DLGAP1: variants seen among roughly 807,000 people sequenced by gnomAD.
DLGAP1 encodes the protein disks large-associated protein 1.
In DLGAP1, 11 loss-of-function variants were observed where a neutral mutation model predicts 90.8. The observed-to-expected ratio is 0.12, with a 90% CI of 0.08 to 0.20. The LOEUF is 0.20. Ranked by LOEUF, DLGAP1 falls within the 10% of genes least tolerant of loss-of-function variation. The pLI is 1.00. For synonymous variants in DLGAP1, 558 were observed against 540.7 expected (o/e 1.03, Z -0.44); for missense variants, 1,050 against 1,333.8 (o/e 0.79, Z 3.31).
intron 1 of DLGAP1, among the ~76,000 whole-genome samples, chr18:4,363,324 T>C (rs1050931825): frequency 6.6e-6 from 1 of 152,108 alleles, no homozygotes; most frequent in Non-Finnish European, 1.5e-5. Flanking sequence ...TGGGGCAGAA[T>C]ATCACCAAAC....
intron 2 of DLGAP1, among the ~76,000 whole-genome samples, chr18:4,133,232 G>A (rs555235134): frequency 6.6e-6 from 1 of 152,248 alleles, no homozygotes; most frequent in Admixed American, 6.5e-5. Flanking sequence ...CATGCCATGA[G>A]GAGAGCACAG....
In DLGAP1 at chr18:3,987,039, C is replaced by T. The variant is rs372342008; in HGVS notation, c.-73+18077G>A. ...AACTTGACTATCACCCTGCAAATAG[C>T]GCTCGTTTCCAGGTATGTTAGGTAT... On this transcript the variant is annotated intron_variant, in intron 3 of 12. Coordinates refer to ENST00000315677, the MANE Select transcript of DLGAP1 (RefSeq NM_004746.4). 7.9e-5 allele frequency among the ~76,000 whole-genome samples: 12 copies of T among 152,222 alleles called. 1 individual carries two copies. Among genetic ancestry groups the T allele is most frequent in the Admixed American group, 2.0e-4 (3 of 15,288 alleles).
intron 2 of DLGAP1, among the ~76,000 whole-genome samples, chr18:4,088,239 G>A (rs1350383266): frequency 6.6e-6 from 1 of 151,914 alleles, no homozygotes; most frequent in Non-Finnish European, 1.5e-5. Flanking sequence ...TAAGGTAGGA[G>A]TCTCACACCA....
chr18:3,742,471 T>C lies in DLGAP1; in HGVS notation c.1214A>G (p.His405Arg), dbSNP rs1212651757. The C allele has an allele frequency of 1.2e-6, 2 of 1,614,176 alleles. No individual in the cohort carries two copies. The highest frequency in any genetic ancestry group is 3.3e-5 in the Admixed American group (2 of 60,020). The change falls in exon 6 of 13, where the codon CAT (histidine) becomes CGT (arginine). Residue 405 changes from histidine (H) to arginine (R), a missense_variant. His to Arg is a conservative substitution (Grantham distance 29). Around this residue, in one of 2 missense-constraint regions of DLGAP1, gnomAD observed 565 missense variants for 879.7 expected, o/e 0.64. Transcript: ENST00000315677. ...TTCACTCACTGCCCTCAGGTAACTA[T>C]GACTCCGGATCTGGAGTTTGGGTGA... The part of the protein sequence containing the change: ...EHSPKLQIRS[H>R]SYLRAVSEVS...
At chr18:4,097,918 C>T (rs116667079) in intron 2 of DLGAP1, among the ~76,000 whole-genome samples, 1 of 152,058 alleles carries the variant, frequency 6.6e-6, no homozygotes, top group Non-Finnish European at 1.5e-5. Flanking sequence ...GATTCTTTTC[C>T]TTTTTCTTTT....
At chr18:4,130,238 C>T (rs1330549932) in intron 2 of DLGAP1, among the ~76,000 whole-genome samples, 1 of 152,154 alleles carries the variant, frequency 6.6e-6, no homozygotes, top group African/African-American at 2.4e-5. Flanking sequence ...TAACTATCTC[C>T]TATTTCCCAA....
chr18:4,185,430 G>A (rs1263003238), intron 1 of DLGAP1, among the ~76,000 whole-genome samples: 1 of 151,848 alleles, frequency 6.6e-6, no homozygotes, highest in Non-Finnish European at 1.5e-5. Flanking sequence ...TCCCAAGTAG[G>A]CCCCAGTGTC....
chr18:4,071,120 T>C (rs1382580025), intron 2 of DLGAP1, among the ~76,000 whole-genome samples: 1 of 152,168 alleles, frequency 6.6e-6, no homozygotes, highest in Non-Finnish European at 1.5e-5. Flanking sequence ...ATTTACATGT[T>C]CACTATTATA....
chr18:3,867,965 A>T (rs1568261432), intron 4 of DLGAP1, among the ~76,000 whole-genome samples: 1 of 152,082 alleles, frequency 6.6e-6, no homozygotes, highest in Non-Finnish European at 1.5e-5. Flanking sequence ...CCTACACGAT[A>T]ATTTTCGGCC....
intron 2 of DLGAP1, among the ~76,000 whole-genome samples, chr18:4,106,419 C>T (rs1489575789): frequency 6.6e-6 from 1 of 152,184 alleles, no homozygotes; most frequent in Non-Finnish European, 1.5e-5. Flanking sequence ...TTTCCACATT[C>T]CGTGGGTGTA....
At chr18:4,350,213 CT>C (rs1384305757) in intron 1 of DLGAP1, among the ~76,000 whole-genome samples, 1 of 152,066 alleles carries the variant, frequency 6.6e-6, no homozygotes, top group Non-Finnish European at 1.5e-5. Context: ...ATTATTCCAT[CT>C]GTTCAAAGCG....
intron 1 of DLGAP1, among the ~76,000 whole-genome samples, chr18:4,201,447 T>C (rs1598608825): frequency 1.3e-5 from 2 of 152,306 alleles, no homozygotes; most frequent in East Asian, 1.9e-4. Context: ...TTTGGCTTTA[T>C]TTCTGGGTTC....
chr18:3,770,248 T>C (rs1045774542), intron 5 of DLGAP1, among the ~76,000 whole-genome samples: 1 of 152,260 alleles, frequency 6.6e-6, no homozygotes, highest in African/African-American at 2.4e-5. Flanking sequence ...TTTCCCTGTC[T>C]GATAGGTCAG....
chr18:3,978,540 C>A, intron 3 of DLGAP1: 1 of 238,436 alleles, frequency 4.2e-6, no homozygotes, highest in South Asian at 6.4e-5. Context: ...TCCACTTTAC[C>A]AGAGTGAAAA....
chr18:3,568,992 ATTATTTTATT>A lies in DLGAP1; in HGVS notation c.1966-1421_1966-1412del, dbSNP rs1215927235. Among the ~76,000 whole-genome samples, 41 of 146,580 alleles carry A rather than the reference ATTATTTTATT, an allele frequency of 2.8e-4. No homozygotes were observed. The Middle Eastern group carries it at 0.02, about 72-fold the overall frequency. ...TGAGCCACCACGCCTGGCCTAAATGATTATTTTATTTTATTTTATTTTATTTTTGAGACAG... is the reference window on the plus strand; with the variant it reads ...TGAGCCACCACGCCTGGCCTAAATGATTATTTTATTTTATTTTTGAGACAG... On this transcript the variant is annotated intron_variant, in intron 8 of 12. Transcript: ENST00000315677.
chr18:3,766,319 T>TGTTTATGCTAAAAA lies in DLGAP1; in HGVS notation c.1173-23808_1173-23807insTTTTTAGCATAAAC, dbSNP rs1165677188. ...GATGTTTATGCAGCAAACAACAGCA[T>TGTTTATGCTAAAAA]ATATTGAATGAAAAAGCTGATAGAA... On this transcript the variant is annotated intron_variant, in intron 5 of 12. Coordinates refer to ENST00000315677, the MANE Select transcript of DLGAP1 (RefSeq NM_004746.4). Among the ~76,000 whole-genome samples, 63 of 152,198 alleles carry TGTTTATGCTAAAAA rather than the reference T, an allele frequency of 4.1e-4. 1 individual carries two copies. Among genetic ancestry groups the TGTTTATGCTAAAAA allele is most frequent in the African/African-American group, 1.5e-3 (61 of 41,488 alleles).
chr18:4,175,378 T>G (rs879127075), intron 1 of DLGAP1, among the ~76,000 whole-genome samples: 1 of 152,206 alleles, frequency 6.6e-6, no homozygotes, highest in South Asian at 2.1e-4. Flanking sequence ...GTCTGTTGAC[T>G]CTGATGATAA....
At chr18:3,974,817 T>C (rs1381077337) in intron 3 of DLGAP1, among the ~76,000 whole-genome samples, 1 of 152,008 alleles carries the variant, frequency 6.6e-6, no homozygotes, top group Non-Finnish European at 1.5e-5. Context: ...AAGCAATACA[T>C]AGCATGGAAT....
intron 7 of DLGAP1, among the ~76,000 whole-genome samples, chr18:3,633,349 G>A (rs2058589515): frequency 6.6e-6 from 1 of 150,614 alleles, no homozygotes. Flanking sequence ...GTTGCAGTGA[G>A]CTGAGATCAT....
Sources: gnomAD v4.1 joint callset for allele counts (sites outside exome capture counted in the v4.1 genomes callset) on GRCh38, gnomAD v4.1.1 for gene constraint, gnomAD v4.1.1 regional missense constraint, MANE v1.5 for transcripts, NCBI Gene and HGNC (gene_info 2026-07-23, HGNC 2026-07-21) for gene names.